Variants in ZMIZ1 observed in about 807,000 individuals in gnomAD.
The protein encoded by ZMIZ1 is zinc finger MIZ domain-containing protein 1.
Under a neutral mutation model 113.9 loss-of-function variants are expected in ZMIZ1, and 17 were observed. That is an observed-to-expected ratio of 0.15 (90% CI 0.10 to 0.22). The LOEUF (loss-of-function observed/expected upper bound fraction) is 0.22. ZMIZ1 is among the 10% of genes least tolerant of loss of function. The probability of loss-of-function intolerance (pLI) is 1.00; values close to 1 mark genes in which losing one functional copy is unlikely to be tolerated. For missense variants in ZMIZ1, 1,059 were observed against 1,477.8 expected, an observed-to-expected ratio of 0.72 and a Z score of 4.65; for synonymous variants, 607 against 603.1, an observed-to-expected ratio of 1.01 and a Z score of -0.09.
At chr10:79,084,818 T>C (rs1842759213) in intron 1 of ZMIZ1, among the ~76,000 whole-genome samples, 1 of 150,182 alleles carries the variant, frequency 6.7e-6, no homozygotes, top group Non-Finnish European at 1.5e-5. Flanking sequence ...ACTGGGATTC[T>C]TGTGACTTGC....
intron 2 of ZMIZ1, among the ~76,000 whole-genome samples, chr10:79,126,972 G>T (rs1276482332): frequency 6.6e-6 from 1 of 152,184 alleles, no homozygotes; most frequent in Non-Finnish European, 1.5e-5. Flanking sequence ...CAACCTGAGA[G>T]GATGAGGGAT....
chr10:79,314,409 G>A lies in ZMIZ1; in HGVS notation c.*1660G>A, dbSNP rs1456703174. The A allele has an allele frequency of 8.1e-6, 3 of 371,180 alleles. No individual in the cohort carries two copies. The East Asian group carries it at 2.2e-4, about 27-fold the overall frequency. 23.0% of individuals were successfully genotyped at this position (371,180 alleles called of 1,614,324 possible). A position where few individuals can be genotyped will look rare whatever the true frequency, so the allele number is the denominator to read the frequency against. On this transcript the variant is annotated 3_prime_UTR_variant, in exon 25 of 25. Transcript: ENST00000334512. ...TACCGGAAAGGTGGCCCCAGCTGTT[G>A]ACTTCCAGTCACTGTCCCAGACGGC...
At chr10:79,245,166 G>A (rs1182673292) in intron 7 of ZMIZ1, among the ~76,000 whole-genome samples, 2 of 152,132 alleles carry the variant, frequency 1.3e-5, no homozygotes, top group Non-Finnish European at 2.9e-5. Context: ...ACATAAGGCT[G>A]CCTCCACTGC....
intron 1 of ZMIZ1, among the ~76,000 whole-genome samples, chr10:79,091,607 A>G (rs1374746807): frequency 6.6e-6 from 1 of 152,082 alleles, no homozygotes; most frequent in Non-Finnish European, 1.5e-5. Flanking sequence ...GGGGCATTTA[A>G]GGGCTGCACT....
intron 1 of ZMIZ1, among the ~76,000 whole-genome samples, chr10:79,104,348 T>C (rs1843477451): frequency 6.6e-6 from 1 of 152,088 alleles, no homozygotes; most frequent in African/African-American, 2.4e-5. Context: ...ATAGAAGCCA[T>C]GTGCAGGGTG....
intron 8 of ZMIZ1, among the ~76,000 whole-genome samples, chr10:79,288,139 G>T (rs1046719154): frequency 6.6e-6 from 1 of 152,228 alleles, no homozygotes; most frequent in African/African-American, 2.4e-5. Context: ...TGCCCTCCAG[G>T]CTGGTCGCCT....
At chr10:79,245,592 A>G (rs924776548) in intron 7 of ZMIZ1, among the ~76,000 whole-genome samples, 2 of 152,192 alleles carry the variant, frequency 1.3e-5, no homozygotes, top group African/African-American at 4.8e-5. Context: ...CACCCAGTCC[A>G]TGCAGTCCCT....
intron 1 of ZMIZ1, among the ~76,000 whole-genome samples, chr10:79,084,105 G>A (rs1235889053): frequency 1.3e-5 from 2 of 152,136 alleles, no homozygotes; most frequent in Non-Finnish European, 2.9e-5. Context: ...CTATCCCGAG[G>A]CCTTTGCATA....
At chr10:79,280,392 A>T (rs1267809939) in intron 8 of ZMIZ1, among the ~76,000 whole-genome samples, 2 of 151,904 alleles carry the variant, frequency 1.3e-5, no homozygotes, top group African/African-American at 4.8e-5. Flanking sequence ...CTCCCACCTC[A>T]GTATCCTGAG....
chr10:79,302,357 G>T, intron 18 of ZMIZ1, 145 bp downstream of exon 18: 1 of 765,656 alleles, frequency 1.3e-6, no homozygotes, highest in Non-Finnish European at 2.2e-6. Flanking sequence ...AGCGCGCCCT[G>T]TCCTGAGGCT....
chr10:79,203,970 G>A (rs937987748), intron 5 of ZMIZ1, among the ~76,000 whole-genome samples: 5 of 152,030 alleles, frequency 3.3e-5, no homozygotes, highest in African/African-American at 9.7e-5. Context: ...ATGCCCCCTG[G>A]GCCATCCAGA....
chr10:79,152,624 G>A (rs375180535), intron 3 of ZMIZ1, among the ~76,000 whole-genome samples: 13 of 152,340 alleles, frequency 8.5e-5, no homozygotes, highest in Non-Finnish European at 1.8e-4. Context: ...TGCTTTCTCC[G>A]CCCTGCCCGG....
At chr10:79,287,881 A>C (rs1853188408) in intron 8 of ZMIZ1, among the ~76,000 whole-genome samples, 1 of 152,244 alleles carries the variant, frequency 6.6e-6, no homozygotes, top group Admixed American at 6.5e-5. Flanking sequence ...TTCTAGAGGC[A>C]GACAGACAAT....
chr10:79,114,982 TG>T (rs1311858321), intron 1 of ZMIZ1, among the ~76,000 whole-genome samples: 3 of 152,190 alleles, frequency 2.0e-5, no homozygotes, highest in Non-Finnish European at 4.4e-5. Context: ...TTTAAATTTC[TG>T]GGCTGTGTTC....
intron 6 of ZMIZ1, among the ~76,000 whole-genome samples, chr10:79,211,131 A>C (rs1848514936): frequency 6.6e-6 from 1 of 152,164 alleles, no homozygotes. Flanking sequence ...GATTGTCATA[A>C]ACGACACTTC....
intron 4 of ZMIZ1, among the ~76,000 whole-genome samples, chr10:79,176,366 G>A (rs1284164769): frequency 1.3e-5 from 2 of 152,036 alleles, no homozygotes; most frequent in East Asian, 3.8e-4. Flanking sequence ...CAAGAGACTG[G>A]GTGTCTGCGT....
chr10:79,297,832 A>AC, intron 14 of ZMIZ1, 142 bp downstream of exon 14: 2 of 679,700 alleles, frequency 2.9e-6, no homozygotes, highest in Non-Finnish European at 5.1e-6. Flanking sequence ...TGTCCTGGGG[A>AC]CAGAGATGCT....
chr10:79,311,041 C>G lies in ZMIZ1; in HGVS notation c.2953C>G (p.Pro985Ala). The change falls in exon 24 of 25, where the codon CCT becomes GCT. Residue 985 changes from proline to alanine, a missense_variant. Pro to Ala is a conservative substitution (Grantham distance 27). Transcript: ENST00000334512. ...PLHHSGAPPP[P>A]PSQPPRQPPQ... is the part of the protein sequence containing the mutation. ...ACATCACAGTGGGGCTCCTCCTCCT[C>G]CTCCTTCCCAGCCTCCCCGGCAGCC... 6.2e-7 allele frequency: 1 copy of G among 1,613,734 alleles called. No individual in the cohort carries two copies. The highest frequency in any genetic ancestry group is 8.5e-7 in the Non-Finnish European group (1 of 1,180,024).
intron 7 of ZMIZ1, among the ~76,000 whole-genome samples, chr10:79,247,950 GTCTCATCTCTGCCTCATCTTTA>G (rs1564549772): frequency 1.3e-5 from 2 of 152,214 alleles, no homozygotes; most frequent in African/African-American, 4.8e-5. Flanking sequence ...GGGCCTGAGT[GTCTCATCTCTGCCTCATCTTTA>G]TCTCATCTCT....
Sources: allele counts gnomAD v4.1 joint callset (sites outside exome capture counted in the v4.1 genomes callset), GRCh38; gene constraint gnomAD v4.1.1; transcripts MANE v1.5; gene names NCBI Gene and HGNC (gene_info 2026-07-23, HGNC 2026-07-21).